DST: variants seen among roughly 807,000 people sequenced by gnomAD.
The protein encoded by DST is bullous pemphigoid antigen.
Under a neutral mutation model 875.2 loss-of-function variants are expected in DST, and 253 were observed. The observed-to-expected ratio is 0.29, with a 90% CI of 0.26 to 0.32. DST has a LOEUF of 0.32. DST is among the 10% of genes least tolerant of loss of function. The pLI is 1.00. For missense variants in DST, 8,287 were observed against 9,111.6 expected (o/e 0.91, Z 3.68); for synonymous variants, 3,124 against 3,197.1 (o/e 0.98, Z 0.77).
At chr6:56,940,411 A>G (rs1325411714) in intron 2 of DST, among the ~76,000 whole-genome samples, 2 of 152,192 alleles carry the variant, frequency 1.3e-5, no homozygotes, top group African/African-American at 4.8e-5. Context: ...TCTGGACCAC[A>G]AGACTCTTTT....
intron 4 of DST, chr6:56,843,016 A>G: frequency 7.2e-6 from 10 of 1,380,776 alleles, no homozygotes; most frequent in Non-Finnish European, 9.6e-6. Context: ...CTCTCTGATC[A>G]GTGCCAAGCT....
chr6:56,662,807 G>A (rs1273223913), intron 10 of DST, among the ~76,000 whole-genome samples: 3 of 151,874 alleles, frequency 2.0e-5, no homozygotes, highest in Non-Finnish European at 2.9e-5. Flanking sequence ...TTGGGCATGG[G>A]GGCGGGGGGG....
intron 4 of DST, among the ~76,000 whole-genome samples, chr6:56,825,020 G>A (rs565888932): frequency 3.3e-5 from 5 of 152,334 alleles, no homozygotes; most frequent in African/African-American, 7.2e-5. Context: ...CATTGAGAAC[G>A]GGCCATGATG....
At chr6:56,953,362 T>C (rs1268368630) in intron 2 of DST, among the ~76,000 whole-genome samples, 1 of 152,168 alleles carries the variant, frequency 6.6e-6, no homozygotes, top group African/African-American at 2.4e-5. Flanking sequence ...AAAACAGAAA[T>C]GTAAACTTGA....
At chr6:56,692,585 G>C (rs903341068) in intron 9 of DST, 2 of 1,289,774 alleles carry the variant, frequency 1.6e-6, no homozygotes, top group Admixed American at 2.3e-5. Context: ...ATACCCGAGG[G>C]AATAGAGCTT....
At chr6:56,609,375 C>T (rs540772390) in intron 39 of DST, 31 bp from the exon 40 acceptor site, 1 of 1,501,348 alleles carries the variant, frequency 6.7e-7, no homozygotes, top group African/African-American at 1.4e-5. Flanking sequence ...TCTCAGGTCA[C>T]TCTGTTACAC....
chr6:56,538,513 T>A (rs1478216521), intron 61 of DST, among the ~76,000 whole-genome samples: 3 of 152,032 alleles, frequency 2.0e-5, no homozygotes, highest in Non-Finnish European at 2.9e-5. Context: ...AGGAAAAAAA[T>A]TGCAGACACA....
intron 2 of DST, among the ~76,000 whole-genome samples, chr6:56,917,162 AAT>A (rs1176238631): frequency 1.3e-5 from 2 of 152,154 alleles, no homozygotes; most frequent in East Asian, 3.8e-4. Flanking sequence ...GCATAGATCA[AAT>A]GTGTATTTGG....
At chr6:56,762,128 C>T (rs2152964329) in intron 4 of DST, among the ~76,000 whole-genome samples, 1 of 152,244 alleles carries the variant, frequency 6.6e-6, no homozygotes, top group South Asian at 2.1e-4. Flanking sequence ...TCAAGCAATT[C>T]TCCTGTTTCA....
intron 3 of DST, among the ~76,000 whole-genome samples, chr6:56,879,644 T>C (rs1284393501): frequency 2.6e-5 from 4 of 152,236 alleles, no homozygotes; most frequent in African/African-American, 9.6e-5. Context: ...CCATCTTATA[T>C]CATTCACTCC....
chr6:56,918,697 A>G (rs944080184), intron 2 of DST, among the ~76,000 whole-genome samples: 13 of 152,322 alleles, frequency 8.5e-5, no homozygotes, highest in Admixed American at 5.9e-4. Context: ...TATTATCTCC[A>G]TCAACACTGG....
intron 8 of DST, among the ~76,000 whole-genome samples, chr6:56,701,669 T>G (rs998543476): frequency 6.6e-6 from 1 of 152,186 alleles, no homozygotes; most frequent in East Asian, 1.9e-4. Flanking sequence ...TAGATGGAAA[T>G]GTAGTCACTT....
intron 77 of DST, among the ~76,000 whole-genome samples, chr6:56,504,527 C>T (rs1038483844): frequency 6.6e-6 from 1 of 152,070 alleles, no homozygotes; most frequent in Non-Finnish European, 1.5e-5. Flanking sequence ...ATATTTGACT[C>T]AAACCCTTAC....
intron 93 of DST, among the ~76,000 whole-genome samples, chr6:56,472,923 C>T (rs373309980): frequency 2.0e-5 from 3 of 152,132 alleles, no homozygotes; most frequent in Non-Finnish European, 2.9e-5. Flanking sequence ...TGGCTAAATA[C>T]GGCCTAGAAA....
chr6:56,608,386 A>T lies in DST; in HGVS notation c.6242T>A (p.Phe2081Tyr). The change falls in exon 40 of 104, where the codon TTT (phenylalanine) becomes TAT (tyrosine). Residue 2081 changes from phenylalanine (F) to tyrosine (Y), a missense_variant. Physicochemically the swap from Phe to Tyr is conservative, Grantham distance 22 (BLOSUM62 3). Coordinates refer to ENST00000680361, the MANE Select transcript of DST (RefSeq NM_001374736.1). Reference sequence around the variant, plus strand: ...TTGCTGCAAGGAAGATGATGTGGGAAATATTTCACCAGAATGGGGCCAAAT... The same window carrying T: ...TTGCTGCAAGGAAGATGATGTGGGATATATTTCACCAGAATGGGGCCAAAT... ...GLIWPHSGEI[F>Y]PTSSSLQQEL... The T allele has an allele frequency of 1.2e-6, 2 of 1,613,202 alleles. No homozygotes were observed. The highest frequency in any genetic ancestry group is 1.7e-6 in the Non-Finnish European group (2 of 1,179,780).
At chr6:56,688,449 T>C (rs1374384643) in intron 9 of DST, among the ~76,000 whole-genome samples, 1 of 152,202 alleles carries the variant, frequency 6.6e-6, no homozygotes, top group Non-Finnish European at 1.5e-5. Flanking sequence ...TAATTTTTTT[T>C]CAAAGTTTTT....
intron 3 of DST, among the ~76,000 whole-genome samples, chr6:56,859,977 A>G (rs1770153236): frequency 6.6e-6 from 1 of 152,300 alleles, no homozygotes; most frequent in South Asian, 2.1e-4. Flanking sequence ...AGAGTATCCT[A>G]TCCAAAACTA....
At chr6:56,918,474 TATTTTCCTACTGACTAGA>T (rs80104586) in intron 2 of DST, among the ~76,000 whole-genome samples, 16 of 152,190 alleles carry the variant, frequency 1.1e-4, no homozygotes, top group Non-Finnish European at 1.6e-4. Flanking sequence ...CATACTTAAC[TATTTTCCTACTGACTAGA>T]ATTCGGACAT....
Position 56,618,195 on chromosome 6 carries a change from C to T in DST, c.4930-3711G>A, listed in dbSNP as rs202086197. The T allele has an allele frequency of 1.8e-5, 29 of 1,614,092 alleles. No homozygotes were observed. Among genetic ancestry groups the T allele is most frequent in the African/African-American group, 8.0e-5 (6 of 75,016 alleles). On this transcript the variant is annotated intron_variant, in intron 36 of 103. Transcript: ENST00000680361. ...TAACACTGCTGGCTTTTCTCTTTCT[C>T]GAGTGGAGCCCCTGGTGGCTGGAAT...
Sources: gnomAD v4.1 joint callset for allele counts (sites outside exome capture counted in the v4.1 genomes callset) on GRCh38, gnomAD v4.1.1 for gene constraint, MANE v1.5 for transcripts, NCBI Gene and HGNC (gene_info 2026-07-23, HGNC 2026-07-21) for gene names.